The following TTC3 variants were observed in gnomAD, a reference collection of about 807,000 sequenced individuals.
TTC3 encodes the protein tetratricopeptide repeat domain 3.
In TTC3, 180 loss-of-function variants were observed where a neutral mutation model predicts 249.6. The ratio of observed to expected loss-of-function variants is 0.72; its 90% CI spans 0.64 to 0.82. The LOEUF (loss-of-function observed/expected upper bound fraction) is 0.82, where lower values mean the gene tolerates loss of function less well. TTC3 is among the 40% of genes least tolerant of loss of function. The probability of loss-of-function intolerance (pLI) is 0.00; values close to 1 mark genes in which losing one functional copy is unlikely to be tolerated. For synonymous variants in TTC3, 717 were observed against 805.0 expected (o/e 0.89, Z 1.85); for missense variants, 2,061 against 2,398.4 (o/e 0.86, Z 2.94).
intron 26 of TTC3, 142 bp downstream of exon 26, chr21:37,152,171 T>C: frequency 1.9e-6 from 2 of 1,030,218 alleles, no homozygotes; most frequent in South Asian, 5.1e-5. Flanking sequence ...CACTGTCTTC[T>C]GTTACTCGAA....
At chr21:37,186,582 A>C (rs1479314091) in intron 37 of TTC3, among the ~76,000 whole-genome samples, 2 of 152,192 alleles carry the variant, frequency 1.3e-5, no homozygotes, top group Non-Finnish European at 2.9e-5. Context: ...CTGGGACTAC[A>C]GGCACGCACC....
chr21:37,158,155 A>T, intron 28 of TTC3: 2 of 985,482 alleles, frequency 2.0e-6, no homozygotes, highest in African/African-American at 3.5e-5. Context: ...ACTGAAGGTG[A>T]CATGCTACTT....
intron 35 of TTC3, among the ~76,000 whole-genome samples, chr21:37,175,374 A>G (rs898430550): frequency 2.6e-5 from 4 of 151,722 alleles, no homozygotes; most frequent in African/African-American, 9.7e-5. Flanking sequence ...AGGTGGGTAT[A>G]TCACCTGAGG....
exon 31 of TTC3, chr21:37,161,990 C>T (rs1421720536): frequency 1.9e-6 from 3 of 1,572,038 alleles, no homozygotes; most frequent in South Asian, 2.4e-5. Flanking sequence ...TTTAAACCAG[C>T]CTATGTTAGT....
chr21:37,197,741 A>G, intron 43 of TTC3, 45 bp downstream of exon 43: 1 of 1,490,906 alleles, frequency 6.7e-7, no homozygotes, highest in Non-Finnish European at 8.9e-7. Context: ...TATTTATAAA[A>G]TATGAGAATT....
rs2078185243 is a variant in TTC3 at position 37,138,784 on chromosome 21, AT to A, written c.1659+75del. 5 of 1,087,594 alleles carry A rather than the reference AT, an allele frequency of 4.6e-6. No homozygotes were observed. In the Admixed American group the frequency reaches 6.5e-5, roughly 14 times the overall value. 67.4% of individuals were successfully genotyped at this position (1,087,594 alleles called of 1,614,324 possible). On this transcript the variant is annotated intron_variant, in intron 19 of 45. Coordinates refer to ENST00000355666, the Ensembl canonical transcript of TTC3. ...CATATCTTATAAAAATTATTTTCTC[AT>A]TTTTACCCATTTTCTTCTCTGTACC... is the stretch of plus-strand genomic sequence containing the variant.
intron 26 of TTC3, 141 bp from the exon 27 acceptor site, chr21:37,152,810 C>G: frequency 1.5e-6 from 1 of 673,216 alleles, no homozygotes; most frequent in Non-Finnish European, 2.3e-6. Flanking sequence ...GTTTATATTT[C>G]TAATTAAAGT....
chr21:37,198,821 T>C (rs186108351), intron 44 of TTC3, among the ~76,000 whole-genome samples: 51 of 151,024 alleles, frequency 3.4e-4, no homozygotes, highest in African/African-American at 1.1e-3. Flanking sequence ...GTATGTTCTC[T>C]GAGGGGCTGA....
At chr21:37,075,615 T>C (rs1436357237) in intron 1 of TTC3, among the ~76,000 whole-genome samples, 1 of 152,236 alleles carries the variant, frequency 6.6e-6, no homozygotes, top group Non-Finnish European at 1.5e-5. Flanking sequence ...CTGACCAGCT[T>C]CCTTATGACT....
At chr21:37,153,387 C>A (rs1226284679) in intron 27 of TTC3, 110 bp downstream of exon 27, 2 of 1,079,754 alleles carry the variant, frequency 1.9e-6, no homozygotes, top group Non-Finnish European at 2.6e-6. Flanking sequence ...AAATGCAGGA[C>A]TATAAATTTG....
At chr21:37,124,709 C>T (rs781581474) in exon 14 of TTC3, 61 of 1,613,168 alleles carry the variant, frequency 3.8e-5, no homozygotes, top group Non-Finnish European at 4.4e-5. Flanking sequence ...AAATTAATCA[C>T]GAAATGGCCA....
At chr21:37,115,172 A>G (rs2076024071) in intron 11 of TTC3, among the ~76,000 whole-genome samples, 1 of 85,414 alleles carries the variant, frequency 1.2e-5, no homozygotes, top group Admixed American at 1.5e-4. Context: ...TAAAACTTAA[A>G]GTATAATAAT....
rs763591732 is a variant in TTC3 at position 37,150,222 on chromosome 21, CT to C, written c.2211+56del. ...AGATAGATAACCAAAATGTTTACAC[CT>C]TTTGAAACATGATTTGAATTTGTAG... On this transcript the variant is annotated intron_variant, in intron 24 of 45. Coordinates refer to ENST00000355666, the Ensembl canonical transcript of TTC3. 6.4e-6 allele frequency: 8 copies of C among 1,243,388 alleles called. No individual in the cohort carries two copies. The East Asian group carries it at 1.6e-4, about 25-fold the overall frequency. The allele number at this position is 1,243,388 out of a possible 1,614,324, so 77.0% of individuals were successfully genotyped here.
chr21:37,151,394 TTTTC>T (rs1227757071), intron 25 of TTC3, among the ~76,000 whole-genome samples: 1 of 152,114 alleles, frequency 6.6e-6, no homozygotes, highest in Non-Finnish European at 1.5e-5. Context: ...TGCTTCTTGT[TTTTC>T]TTTCTAAGAA....
intron 35 of TTC3, 75 bp downstream of exon 35, chr21:37,172,819 G>A (rs540748681): frequency 2.9e-5 from 44 of 1,531,892 alleles, no homozygotes; most frequent in African/African-American, 5.6e-5. Flanking sequence ...GTGCTTGTGC[G>A]GCCTCAGCTG....
chr21:37,089,213 T>C (rs2072925290), intron 5 of TTC3, among the ~76,000 whole-genome samples: 1 of 152,238 alleles, frequency 6.6e-6, no homozygotes, highest in Non-Finnish European at 1.5e-5. Flanking sequence ...TCTGTTGATA[T>C]AAAATCACAT....
intron 16 of TTC3, among the ~76,000 whole-genome samples, chr21:37,131,874 T>TG (rs2077499769): frequency 6.6e-6 from 1 of 152,180 alleles, no homozygotes; most frequent in Admixed American, 6.5e-5. Context: ...CCACATCGAG[T>TG]GCCTCAGATT....
intron 18 of TTC3, among the ~76,000 whole-genome samples, chr21:37,136,319 C>T (rs7282195): frequency 0.53 from 81,221 of 152,104 alleles, 22,341 homozygotes; most frequent in African/African-American, 0.64. Flanking sequence ...AAAGCCAAGA[C>T]AGGCAGAAAG....
rs201709651 is a variant in TTC3 at position 37,201,485 on chromosome 21, C to T, written c.5989C>T (p.Gln1997Ter). ...AGGGCAGAGCGCTTGCCCGGCCTGCCAGGGTCGTGATCTCCTGACAGAAGA... is the reference window on the plus strand; with the variant it reads ...AGGGCAGAGCGCTTGCCCGGCCTGCTAGGGTCGTGATCTCCTGACAGAAGA... The change falls in exon 46 of 46, where the codon CAG becomes TAG. Residue 1997 changes from glutamine (Q) to a stop codon, truncating the protein, a stop_gained. Transcript: ENST00000355666. LOFTEE classifies it low-confidence loss of function (END_TRUNC). 1.8e-5 allele frequency: 29 copies of T among 1,613,900 alleles called. No homozygotes were observed. In the Middle Eastern group the frequency reaches 5.0e-4, roughly 28 times the overall value.
Sources: gnomAD v4.1 joint callset for allele counts (sites outside exome capture counted in the v4.1 genomes callset) on GRCh38, gnomAD v4.1.1 for gene constraint, MANE v1.5 for transcripts, NCBI Gene and HGNC (gene_info 2026-07-23, HGNC 2026-07-21) for gene names.